DYSF: variants seen among roughly 807,000 people sequenced by gnomAD.
DYSF encodes dysferlin.
Under a neutral mutation model 274.9 loss-of-function variants are expected in DYSF, and 212 were observed. That is an observed-to-expected ratio of 0.77 (90% confidence interval 0.69 to 0.86). DYSF has a LOEUF of 0.86. Ranked by LOEUF, DYSF falls within the 40% of genes least tolerant of loss-of-function variation. The probability of loss-of-function intolerance (pLI) is 0.00; values close to 1 mark genes in which losing one functional copy is unlikely to be tolerated. For missense variants in DYSF, 2,666 were observed against 2,783.2 expected (o/e 0.96, Z 0.95); for synonymous variants, 1,091 against 1,078.7 (o/e 1.01, Z -0.22).
intron 1 of DYSF, among the ~76,000 whole-genome samples, chr2:71,470,013 A>G (rs1229653686): frequency 6.6e-6 from 1 of 152,210 alleles, no homozygotes; most frequent in Admixed American, 6.5e-5. Flanking sequence ...ACAAGAACAA[A>G]ACCAGATCCC....
At chr2:71,466,407 G>A (rs2081532910), upstream of DYSF, among the ~76,000 whole-genome samples, 1 of 152,158 alleles carries the variant, frequency 6.6e-6, no homozygotes, top group African/African-American at 2.4e-5. Context: ...CACCGGGCCC[G>A]GGATCCCTGG....
intron 42 of DYSF, among the ~76,000 whole-genome samples, chr2:71,654,701 C>T (rs1339268573): frequency 6.6e-6 from 1 of 152,088 alleles, no homozygotes; most frequent in Non-Finnish European, 1.5e-5. Flanking sequence ...AATTGAATAT[C>T]ATATTGCCAT....
At chr2:71,684,495 A>T (rs2095333231) in intron 55 of DYSF, among the ~76,000 whole-genome samples, 2 of 152,166 alleles carry the variant, frequency 1.3e-5, no homozygotes, top group Non-Finnish European at 2.9e-5. Flanking sequence ...GGAGAAGAGG[A>T]TGAGGCCTCA....
At chr2:71,590,415 C>A in intron 32 of DYSF, 127 bp downstream of exon 32, 2 of 1,004,664 alleles carry the variant, frequency 2.0e-6, no homozygotes, top group South Asian at 2.6e-5. Context: ...TCACCAGGGT[C>A]CTGTGGCTTC....
Position 71,511,921 on chromosome 2 carries a change from G to C in DYSF, c.460G>C (p.Gly154Arg), listed in dbSNP as rs944496800. The stretch of plus-strand genomic sequence containing the variant: ...TCTGCCTGACCTGGATGTAGTGGCA[G>C]GTGGGTAGCCCACGTTGGCCTGGCT... The part of the protein sequence containing the change: ...PTLPDLDVVA[G>R]GGQSRAETWS... Residue 154 changes from glycine (G) to arginine (R), a missense_variant and splice_region_variant, in exon 5 of 56, where the codon GGC becomes CGC. This residue lies in a region of DYSF where 794 missense variants were observed against 777.1 expected (regional missense o/e 1.02). Transcript: ENST00000410020. The C allele has an allele frequency of 2.6e-6, 4 of 1,543,890 alleles. No individual in the cohort carries two copies. The highest frequency in any genetic ancestry group is 3.5e-6 in the Non-Finnish European group (4 of 1,140,610).
At chr2:71,453,860 G>A in exon 1 of DYSF, 1 of 870,038 alleles carries the variant, frequency 1.1e-6, no homozygotes, top group Non-Finnish European at 1.9e-6. Context: ...ACTGCTCTAA[G>A]CCAGGAGCCA....
intron 22 of DYSF, among the ~76,000 whole-genome samples, chr2:71,560,301 C>T (rs11896175): frequency 0.45 from 67,599 of 151,840 alleles, 15,480 homozygotes; most frequent in Non-Finnish European, 0.49. Flanking sequence ...CAGCCCCTCC[C>T]GGCTCCCGAC....
intron 1 of DYSF, among the ~76,000 whole-genome samples, chr2:71,479,668 GA>G (rs1387387726): frequency 3.9e-5 from 6 of 152,178 alleles, no homozygotes; most frequent in Admixed American, 2.6e-4. Context: ...CCTCACTGGG[GA>G]CAGGCACTTG....
chr2:71,672,153 A>G (rs1026796151), intron 51 of DYSF, among the ~76,000 whole-genome samples: 2 of 149,468 alleles, frequency 1.3e-5, no homozygotes, highest in Non-Finnish European at 2.9e-5. Flanking sequence ...TCTGAAGTCA[A>G]CCAGAGGTGG....
At chr2:71,572,280 A>G (rs1040658993) in intron 29 of DYSF, among the ~76,000 whole-genome samples, 5 of 149,216 alleles carry the variant, frequency 3.4e-5, no homozygotes, top group African/African-American at 1.0e-4. Context: ...AGCACAGATC[A>G]CACCTAGCAC....
At chr2:71,624,438 G>A (rs977700435) in intron 41 of DYSF, among the ~76,000 whole-genome samples, 3 of 152,098 alleles carry the variant, frequency 2.0e-5, no homozygotes, top group African/African-American at 7.2e-5. Context: ...CTTTGATATC[G>A]GGGTTATACT....
At chr2:71,571,334 CTCACACCCAGCACACCCACAGA>C (rs1559189275) in intron 29 of DYSF, among the ~76,000 whole-genome samples, 1 of 125,884 alleles carries the variant, frequency 7.9e-6, no homozygotes, top group South Asian at 2.9e-4. Context: ...ACACGCACAG[CTCACACCCAGCACACCCACAGA>C]TCACACCCAG....
Position 71,569,844 on chromosome 2 carries a change from T to C in DYSF, c.2889T>C (p.Gly963=), listed in dbSNP as rs987227828. The change falls in exon 27 of 56, where the codon GGT becomes GGC. Residue 963 remains glycine (G), a synonymous_variant. Transcript: ENST00000410020. Reference sequence around the variant, plus strand: ...GTCTGCTCCATGACATGGACGCCGGTCACCTGAGCTTCGTGGAAGAGGTGT... The same window carrying C: ...GTCTGCTCCATGACATGGACGCCGGCCACCTGAGCTTCGTGGAAGAGGTGT... ...EKTLLHDMDA[G]HLSFVEEVFE... The C allele has an allele frequency of 1.2e-5, 19 of 1,614,068 alleles. No homozygotes were observed. The highest frequency in any genetic ancestry group is 1.5e-5 in the Non-Finnish European group (18 of 1,180,018).
At chr2:71,483,238 C>G (rs1295376298) in intron 3 of DYSF, among the ~76,000 whole-genome samples, 2 of 152,182 alleles carry the variant, frequency 1.3e-5, no homozygotes, top group Non-Finnish European at 2.9e-5. Context: ...TCTCTTCCAG[C>G]TGTTGACCTC....
chr2:71,574,940 G>A (rs958277591), intron 30 of DYSF, among the ~76,000 whole-genome samples: 2 of 152,188 alleles, frequency 1.3e-5, no homozygotes, highest in Admixed American at 6.5e-5. Flanking sequence ...AAAGAGACGA[G>A]CAGGTGTCTC....
chr2:71,598,707 C>T lies in DYSF; in HGVS notation c.3718C>T (p.Pro1240Ser). 1 of 1,613,736 alleles carries T rather than the reference C, an allele frequency of 6.2e-7. No individual in the cohort carries two copies. The highest frequency in any genetic ancestry group is 8.5e-7 in the Non-Finnish European group (1 of 1,180,040). ...GCCGGCCACAGTTGCTGAGCAACCG[C>T]CCAGCATTGTGGTGGAGCTGTACGA... ...GEPATVAEQP[P>S]SIVVELYDHD... Residue 1240 changes from proline to serine, a missense_variant, in exon 33 of 56, where the codon CCC becomes TCC. Coordinates refer to ENST00000410020, the MANE Select transcript of DYSF (RefSeq NM_001130987.2).
At chr2:71,672,302 T>C (rs1340075620) in intron 51 of DYSF, among the ~76,000 whole-genome samples, 1 of 151,330 alleles carries the variant, frequency 6.6e-6, no homozygotes, top group African/African-American at 2.5e-5. Context: ...GTTAGCTGGG[T>C]TGGGCTGAAG....
chr2:71,519,135 A>C (rs936764371), intron 10 of DYSF, among the ~76,000 whole-genome samples: 1 of 143,986 alleles, frequency 6.9e-6, no homozygotes, highest in African/African-American at 2.6e-5. Flanking sequence ...ACTGGGTTGG[A>C]CCTGATGGCT....
At chr2:71,595,831 A>G (rs376695770) in intron 32 of DYSF, among the ~76,000 whole-genome samples, 13 of 152,208 alleles carry the variant, frequency 8.5e-5, no homozygotes, top group African/African-American at 3.1e-4. Flanking sequence ...GGAGAGCCCT[A>G]TGCTGTGATG....
Sources: gnomAD v4.1 joint callset for allele counts (sites outside exome capture counted in the v4.1 genomes callset) on GRCh38, gnomAD v4.1.1 for gene constraint, gnomAD v4.1.1 regional missense constraint, MANE v1.5 for transcripts, NCBI Gene and HGNC (gene_info 2026-07-23, HGNC 2026-07-21) for gene names.